Variants in ATP5F1A observed in about 807,000 individuals in gnomAD.
ATP5F1A encodes ATP synthase F(1) complex subunit alpha, mitochondrial.
In ATP5F1A, 24 loss-of-function variants were observed where a neutral mutation model predicts 57.4. The observed-to-expected ratio is 0.42, with a 90% CI of 0.30 to 0.59. ATP5F1A has a LOEUF of 0.59. ATP5F1A is among the 20% of genes least tolerant of loss of function. The pLI is 0.19. For missense variants in ATP5F1A, 494 were observed against 707.9 expected (o/e 0.70, Z 3.43); for synonymous variants, 251 against 255.5 (o/e 0.98, Z 0.17).
chr18:46,095,854 A>G (rs1910908172), intron 1 of ATP5F1A, among the ~76,000 whole-genome samples: 1 of 142,332 alleles, frequency 7.0e-6, no homozygotes, highest in Non-Finnish European at 1.5e-5. Flanking sequence ...AAATAAATAT[A>G]TATTTACTGG....
intron 3 of ATP5F1A, 33 bp downstream of exon 3, chr18:46,091,649 C>A: frequency 6.5e-7 from 1 of 1,536,008 alleles, no homozygotes; most frequent in Non-Finnish European, 8.8e-7. Flanking sequence ...AGACTTAGAT[C>A]CTAAAACACC....
chr18:46,090,572 A>G lies in ATP5F1A; in HGVS notation c.310-576T>C, dbSNP rs1910485153. On this transcript the variant is annotated intron_variant, in intron 3 of 11. Coordinates refer to ENST00000398752, the MANE Select transcript of ATP5F1A (RefSeq NM_004046.6). ...TTAAAACTATATTTTAGATCTTTAAATCATGTCTGAAGCAAAAAGGCTATT... is the reference window on the plus strand; with the variant it reads ...TTAAAACTATATTTTAGATCTTTAAGTCATGTCTGAAGCAAAAAGGCTATT... 2.0e-5 allele frequency among the ~76,000 whole-genome samples: 3 copies of G among 152,348 alleles called. No individual in the cohort carries two copies. In the East Asian group the frequency reaches 5.8e-4, roughly 29 times the overall value.
At chr18:46,103,233 C>T (rs960346177), upstream of ATP5F1A, among the ~76,000 whole-genome samples, 3 of 151,120 alleles carry the variant, frequency 2.0e-5, no homozygotes, top group African/African-American at 7.3e-5. Context: ...AGCCTGGGGA[C>T]GGGGGTTGGA....
At chr18:46,089,268 ACT>A (rs1910365293) in intron 5 of ATP5F1A, among the ~76,000 whole-genome samples, 2 of 152,314 alleles carry the variant, frequency 1.3e-5, no homozygotes, top group Admixed American at 6.5e-5. Context: ...GACGAGAAAT[ACT>A]CACAGGTGTG....
chr18:46,090,369 T>A (rs1202012546), intron 3 of ATP5F1A, among the ~76,000 whole-genome samples: 1 of 152,158 alleles, frequency 6.6e-6, no homozygotes, highest in Non-Finnish European at 1.5e-5. Flanking sequence ...CAAATGGAAA[T>A]CTTAAGACAA....
intron 5 of ATP5F1A, 194 bp downstream of exon 5, chr18:46,089,372 C>T (rs1910374944): frequency 1.6e-6 from 1 of 639,874 alleles, no homozygotes; most frequent in Admixed American, 3.1e-5. Context: ...ACTGAGCTAG[C>T]TCGTCCCACC....
upstream of ATP5F1A, among the ~76,000 whole-genome samples, chr18:46,101,657 G>A (rs1911277411): frequency 6.6e-6 from 1 of 152,146 alleles, no homozygotes. Flanking sequence ...CACTTTGGGA[G>A]GCTGAAGCAG....
intron 2 of ATP5F1A, chr18:46,094,779 A>AGT: frequency 3.4e-6 from 1 of 296,042 alleles, no homozygotes. Context: ...TCCATTACCT[A>AGT]GTGTATGTTC....
intron 11 of ATP5F1A, 30 bp downstream of exon 11, chr18:46,084,474 A>T (rs779803625): frequency 2.5e-6 from 4 of 1,575,888 alleles, no homozygotes; most frequent in Admixed American, 3.9e-5. Context: ...ACATAACTTT[A>T]AAAAAAGATG....
chr18:46,094,041 A>G (rs1219334410), intron 2 of ATP5F1A, among the ~76,000 whole-genome samples: 1 of 152,026 alleles, frequency 6.6e-6, no homozygotes, highest in Non-Finnish European at 1.5e-5. Flanking sequence ...CGTGAGGCAG[A>G]GGCTGCAGTG....
intron 1 of ATP5F1A, among the ~76,000 whole-genome samples, chr18:46,096,982 C>CAAAAAAAAAAAAAAAAAA (rs71160709): frequency 4.0e-5 from 3 of 75,172 alleles, no homozygotes; most frequent in Admixed American, 1.6e-4. Flanking sequence ...GACACCATCT[C>CAAAAAAAAAAAAAAAAAA]AAAAAAAAAA....
At position 46,088,114 on chromosome 18, in the gene ATP5F1A, T is replaced by A. The variant is rs924732032; in HGVS notation, c.794A>T (p.Asp265Val). 6.3e-7 allele frequency: 1 copy of A among 1,593,688 alleles called. No individual in the cohort carries two copies. Among genetic ancestry groups the A allele is most frequent in the African/African-American group, 1.4e-5 (1 of 73,620 alleles). ...TVAQLVKRLT[D>V]ADAMKYTIVV... ...GACTAAATTTCTTTTAATACCTGCA[T>A]CTGTAAGTCTCTTCACCAACTGGGC... The change falls in exon 6 of 12, where the codon GAT (aspartate) becomes GTT (valine). Residue 265 changes from aspartate (D) to valine (V), a missense_variant. Around this residue, in one of 6 missense-constraint regions of ATP5F1A, gnomAD observed 191 missense variants for 267.7 expected, o/e 0.71. Coordinates refer to ENST00000398752, the MANE Select transcript of ATP5F1A (RefSeq NM_004046.6).
At chr18:46,091,238 T>TTA (rs2144195937) in intron 3 of ATP5F1A, among the ~76,000 whole-genome samples, 1 of 152,364 alleles carries the variant, frequency 6.6e-6, no homozygotes, top group Non-Finnish European at 1.5e-5. Flanking sequence ...AAAGTAGACT[T>TTA]ACATTAGAGA....
upstream of ATP5F1A, among the ~76,000 whole-genome samples, chr18:46,099,977 G>T (rs759332498): frequency 1.3e-5 from 2 of 151,996 alleles, no homozygotes; most frequent in African/African-American, 2.4e-5. Flanking sequence ...CAAGCCAGGC[G>T]CAGTGGCTCA....
rs1218356186 is a variant in ATP5F1A, at chr18:46,084,201, G to C, written c.*81C>G. On this transcript the variant is annotated 3_prime_UTR_variant, in exon 12 of 12. Transcript: ENST00000398752. ...TGATTTCTGTACATAAGGAGTATGA[G>C]AGTAACCCTTTTACAAATGGAACTA... The C allele has an allele frequency of 8.3e-7, 1 of 1,203,352 alleles. No individual in the cohort carries two copies. The highest frequency in any genetic ancestry group is 1.2e-6 in the Non-Finnish European group (1 of 834,520). 74.5% of individuals were successfully genotyped at this position (1,203,352 alleles called of 1,614,324 possible). A position where few individuals can be genotyped will look rare whatever the true frequency, so the allele number is the denominator to read the frequency against.
At chr18:46,095,665 G>A (rs530401561) in intron 1 of ATP5F1A, among the ~76,000 whole-genome samples, 39 of 151,516 alleles carry the variant, frequency 2.6e-4, no homozygotes, top group Non-Finnish European at 3.8e-4. Context: ...CACCCAGGTC[G>A]GAGTGCAGTG....
At chr18:46,086,516 AC>A (rs1910112330) in intron 8 of ATP5F1A, 22 bp from the exon 9 acceptor site, 1 of 1,597,638 alleles carries the variant, frequency 6.3e-7, no homozygotes, top group East Asian at 2.2e-5. Flanking sequence ...GGAAATACGC[AC>A]GCTAGCAAGC....
upstream of ATP5F1A, among the ~76,000 whole-genome samples, chr18:46,100,411 T>C (rs1911242922): frequency 6.6e-6 from 1 of 152,088 alleles, no homozygotes; most frequent in South Asian, 2.1e-4. Flanking sequence ...CTTTGGTACG[T>C]CAGAAGAACA....
At position 46,084,666 on chromosome 18, in the gene ATP5F1A, C is replaced by A. The variant is rs774025106; in HGVS notation, c.1430-12G>T. The A allele has an allele frequency of 6.5e-7, 1 of 1,547,978 alleles. No individual in the cohort carries two copies. On this transcript the variant is annotated splice_polypyrimidine_tract_variant and intron_variant, in intron 10 of 11. Transcript: ENST00000398752. The stretch of plus-strand genomic sequence containing the variant: ...AATAGCCATGGGAGCTGAAAAGATA[C>A]AAGAAGAATGCCAAGTGAGTTGCTC...
Sources: gnomAD v4.1 joint callset for allele counts (sites outside exome capture counted in the v4.1 genomes callset) on GRCh38, gnomAD v4.1.1 for gene constraint, gnomAD v4.1.1 regional missense constraint, MANE v1.5 for transcripts, NCBI Gene and HGNC (gene_info 2026-07-23, HGNC 2026-07-21) for gene names.